CYLD: variants seen among roughly 807,000 people sequenced by gnomAD.
The protein encoded by CYLD is ubiquitin carboxyl-terminal hydrolase CYLD.
Under a neutral mutation model 104.5 loss-of-function variants are expected in CYLD, and 26 were observed. The observed-to-expected ratio is 0.25, with a 90% CI of 0.18 to 0.35. The LOEUF (loss-of-function observed/expected upper bound fraction) is 0.35, where lower values mean the gene tolerates loss of function less well. Ranked by LOEUF, CYLD falls within the 10% of genes least tolerant of loss-of-function variation. The probability of loss-of-function intolerance (pLI) is 1.00; values close to 1 mark genes in which losing one functional copy is unlikely to be tolerated. For missense variants in CYLD, 703 were observed against 1,136.1 expected, an observed-to-expected ratio of 0.62 and a Z score of 5.48; for synonymous variants, 385 against 399.9, an observed-to-expected ratio of 0.96 and a Z score of 0.45.
At chr16:50,788,552 A>C (rs1021082157) in intron 14 of CYLD, among the ~76,000 whole-genome samples, 4 of 152,146 alleles carry the variant, frequency 2.6e-5, no homozygotes, top group African/African-American at 9.7e-5. Context: ...CTGATGGGTG[A>C]GGAGAATAGA....
rs200415440 is a variant in CYLD at position 50,790,710 on chromosome 16, GT to G, written c.2109-836del. ...TGCAGGCTGATCTCTGAATAGCTGA[GT>G]TTTTTTTTTTTAAGTGAAAACTATG... On this transcript the variant is annotated intron_variant, in intron 14 of 18. Transcript: ENST00000427738. Among the ~76,000 whole-genome samples, 344 of 144,264 alleles carry G rather than the reference GT, an allele frequency of 2.4e-3. 1 individual carries two copies. The highest frequency in any genetic ancestry group is 3.6e-3 in the East Asian group (18 of 4,994). 94.6% of individuals were successfully genotyped at this position (144,264 alleles called of 152,430 possible).
intron 14 of CYLD, among the ~76,000 whole-genome samples, chr16:50,789,007 A>G (rs1417809940): frequency 6.6e-6 from 1 of 152,240 alleles, no homozygotes; most frequent in African/African-American, 2.4e-5. Context: ...AGATCTTAAC[A>G]TACTTCAGGA....
rs1390271972 is a variant in CYLD, at chr16:50,779,792, T to C, written c.1266T>C (p.Ser422=). The C allele has an allele frequency of 1.9e-6, 3 of 1,613,190 alleles. No homozygotes were observed. Residue 422 remains serine, a synonymous_variant, in exon 9 of 19, where the codon AGT becomes AGC. Coordinates refer to ENST00000427738, the MANE Select transcript of CYLD (RefSeq NM_001378743.1). ...TENRFHSLPF[S]LTKMPNTNGS... ...ACAGATTCCACTCTTTACCATTCAGTCTCACCAAGATGCCCAATACCAATG... is the reference window on the plus strand; with the variant it reads ...ACAGATTCCACTCTTTACCATTCAGCCTCACCAAGATGCCCAATACCAATG...
chr16:50,785,168 C>A (rs1970681522), intron 12 of CYLD: 1 of 151,908 alleles, frequency 6.6e-6, no homozygotes, highest in African/African-American at 2.4e-5. Context: ...GAATTAGGAC[C>A]ATAGATCATA....
intron 18 of CYLD, among the ~76,000 whole-genome samples, chr16:50,795,057 G>A (rs933867161): frequency 2.0e-5 from 3 of 152,154 alleles, no homozygotes; most frequent in Non-Finnish European, 2.9e-5. Flanking sequence ...TAGGAGCCAC[G>A]GTAGCTGTTT....
chr16:50,764,901 A>T (rs917150155), intron 5 of CYLD, among the ~76,000 whole-genome samples: 5 of 152,218 alleles, frequency 3.3e-5, no homozygotes, highest in African/African-American at 1.2e-4. Flanking sequence ...ACTGTGTCCT[A>T]AGCAAATTCT....
rs892336849 is a variant in CYLD at position 50,751,983 on chromosome 16, TATATATACACAC to T, written c.807+85_807+96del. The T allele has an allele frequency of 5.9e-5, 7 of 119,140 alleles. 1 individual carries two copies. The South Asian group carries it at 1.3e-3, about 22-fold the overall frequency. The allele number at this position is 119,140 out of a possible 1,614,324, so 7.4% of individuals were successfully genotyped here. Reference sequence around the variant, plus strand: ...ATATATGTATATATATATATAAACATATATATACACACATATATATACACACATATATATGTA... The same window carrying T: ...ATATATGTATATATATATATAAACATATATATATACACACATATATATGTA... On this transcript the variant is annotated intron_variant, in intron 4 of 18. Transcript: ENST00000427738.
At position 50,792,587 on chromosome 16, in the gene CYLD, T is replaced by C; in HGVS notation, c.2242-10T>C. On this transcript the variant is annotated splice_polypyrimidine_tract_variant and intron_variant, in intron 15 of 18. Transcript: ENST00000427738. ...CACTTTGATTCTAAAAATATCTGTCTTTTTTATAGGCACCATCATGTCTGA... is the reference window on the plus strand; with the variant it reads ...CACTTTGATTCTAAAAATATCTGTCCTTTTTATAGGCACCATCATGTCTGA... 4 of 1,579,608 alleles carry C rather than the reference T, an allele frequency of 2.5e-6. No individual in the cohort carries two copies. Among genetic ancestry groups the C allele is most frequent in the Non-Finnish European group, 3.5e-6 (4 of 1,151,152 alleles).
At chr16:50,775,455 A>C (rs1969577984) in intron 6 of CYLD, among the ~76,000 whole-genome samples, 2 of 152,120 alleles carry the variant, frequency 1.3e-5, no homozygotes, top group African/African-American at 2.4e-5. Context: ...ATAATTCTCT[A>C]TGTTTTCCTC....
Position 50,749,567 on chromosome 16 carries a change from T to A in CYLD, c.-123-9T>A. ...TCACTAGGCATTTTGATTTCCTTTC[T>A]TTTTACAGCATGGACACCACGTTGC... On this transcript the variant is annotated splice_polypyrimidine_tract_variant and intron_variant, in intron 2 of 18. Coordinates refer to ENST00000427738, the MANE Select transcript of CYLD (RefSeq NM_001378743.1). The A allele has an allele frequency of 1.1e-6, 1 of 897,230 alleles. No homozygotes were observed. The highest frequency in any genetic ancestry group is 1.7e-6 in the Non-Finnish European group (1 of 593,402). The allele number at this position is 897,230 out of a possible 1,614,324, so 55.6% of individuals were successfully genotyped here.
intron 6 of CYLD, among the ~76,000 whole-genome samples, chr16:50,775,399 ATAT>A (rs1969572667): frequency 6.6e-6 from 1 of 152,166 alleles, no homozygotes; most frequent in Non-Finnish European, 1.5e-5. Context: ...TTCTTCAAAT[ATAT>A]TATTGTTGTG....
chr16:50,784,913 A>T (rs558670313), intron 12 of CYLD: 3 of 163,868 alleles, frequency 1.8e-5, no homozygotes, highest in African/African-American at 7.2e-5. Flanking sequence ...CTAGCAACAG[A>T]TGAGATGTAT....
chr16:50,763,963 A>G (rs1188024989), intron 5 of CYLD, among the ~76,000 whole-genome samples: 2 of 152,090 alleles, frequency 1.3e-5, no homozygotes, highest in Non-Finnish European at 2.9e-5. Context: ...TTGATGTTGA[A>G]TTTTATCAAC....
At chr16:50,791,508 A>C in intron 14 of CYLD, 50 bp from the exon 15 acceptor site, 1 of 1,603,446 alleles carries the variant, frequency 6.2e-7, no homozygotes, top group Non-Finnish European at 8.5e-7. Flanking sequence ...ATTTTGATTT[A>C]AGCATTTGAT....
At chr16:50,748,775 G>GA (rs374707322) in intron 2 of CYLD, among the ~76,000 whole-genome samples, 31 of 152,162 alleles carry the variant, frequency 2.0e-4, no homozygotes, top group African/African-American at 6.7e-4. Flanking sequence ...CCCATCTTCA[G>GA]AAAAAATATA....
intron 2 of CYLD, among the ~76,000 whole-genome samples, chr16:50,747,023 A>G (rs545170840): frequency 4.5e-4 from 69 of 152,300 alleles, no homozygotes; most frequent in Middle Eastern, 6.8e-3. Context: ...TTCAAAATAG[A>G]ATTACTTTAC....
chr16:50,758,415 C>T (rs1197151626), intron 5 of CYLD, among the ~76,000 whole-genome samples: 1 of 152,108 alleles, frequency 6.6e-6, no homozygotes, highest in Non-Finnish European at 1.5e-5. Context: ...TCTTGGCTTT[C>T]ATAGTGACAG....
chr16:50,748,784 T>C (rs1348330720), intron 2 of CYLD, among the ~76,000 whole-genome samples: 2 of 152,202 alleles, frequency 1.3e-5, no homozygotes, highest in East Asian at 1.9e-4. Context: ...AGAAAAAATA[T>C]ATGAAATGAA....
intron 2 of CYLD, among the ~76,000 whole-genome samples, chr16:50,747,228 T>G (rs546046949): frequency 6.6e-6 from 1 of 152,352 alleles, no homozygotes; most frequent in Admixed American, 6.5e-5. Context: ...CTTTTCACGA[T>G]TGTTGCTTTG....
Sources: gnomAD v4.1 joint callset for allele counts (sites outside exome capture counted in the v4.1 genomes callset) on GRCh38, gnomAD v4.1.1 for gene constraint, MANE v1.5 for transcripts, NCBI Gene and HGNC (gene_info 2026-07-23, HGNC 2026-07-21) for gene names.